Variants in ZYG11A observed in about 807,000 individuals in gnomAD.
The protein encoded by ZYG11A is protein zyg-11 homolog A.
ZYG11A carries 62 observed loss-of-function variants against 77.2 expected under a neutral mutation model. The ratio of observed to expected loss-of-function variants is 0.80; its 90% CI spans 0.65 to 0.99. The LOEUF (loss-of-function observed/expected upper bound fraction) is 0.99. ZYG11A is among the 50% of genes least tolerant of loss of function. The probability of loss-of-function intolerance (pLI) is 0.00; values close to 1 mark genes in which losing one functional copy is unlikely to be tolerated. For synonymous variants in ZYG11A, 315 were observed against 324.6 expected, an observed-to-expected ratio of 0.97 and a Z score of 0.32; for missense variants, 828 against 896.8, an observed-to-expected ratio of 0.92 and a Z score of 0.98.
intron 8 of ZYG11A, among the ~76,000 whole-genome samples, chr1:52,868,854 A>T (rs1336927849): frequency 2.6e-5 from 4 of 152,074 alleles, no homozygotes; most frequent in African/African-American, 9.7e-5. Context: ...ATTTTATTAT[A>T]TGAATTTTTT....
intron 11 of ZYG11A, among the ~76,000 whole-genome samples, chr1:52,882,276 T>G (rs1252670389): frequency 6.6e-6 from 1 of 152,224 alleles, no homozygotes; most frequent in East Asian, 1.9e-4. Flanking sequence ...TTTCCCACTT[T>G]GGGAAACTAA....
chr1:52,845,445 A>G (rs1050467121), intron 1 of ZYG11A, among the ~76,000 whole-genome samples: 6 of 151,554 alleles, frequency 4.0e-5, no homozygotes, highest in South Asian at 2.1e-4. Flanking sequence ...AGCTGGGACT[A>G]CAAGTGTGTG....
At chr1:52,861,822 G>A (rs760593095) in intron 4 of ZYG11A, among the ~76,000 whole-genome samples, 1 of 152,140 alleles carries the variant, frequency 6.6e-6, no homozygotes, top group Non-Finnish European at 1.5e-5. Flanking sequence ...TTGGGAGGCC[G>A]AGATGGGAGG....
chr1:52,851,929 T>TC (rs1189392432), intron 1 of ZYG11A, among the ~76,000 whole-genome samples: 1 of 150,292 alleles, frequency 6.7e-6, no homozygotes, highest in African/African-American at 2.5e-5. Context: ...TTTTTTTTTT[T>TC]TTAATGATGG....
rs775690450 is a variant in ZYG11A, at chr1:52,881,505, A to G, written c.1784A>G (p.Lys595Arg). 32 of 1,551,432 alleles carry G rather than the reference A, an allele frequency of 2.1e-5. No homozygotes were observed. The highest frequency in any genetic ancestry group is 3.9e-5 in the Admixed American group (2 of 50,940). The change falls in exon 11 of 14, where the codon AAG (lysine) becomes AGG (arginine). Residue 595 changes from lysine (K) to arginine (R), a missense_variant. Coordinates refer to ENST00000371528, the MANE Select transcript of ZYG11A (RefSeq NM_001004339.3). ...GCAGAAGTCAGAGAGCTCTCTTCCA[A>G]GCTGGTGACCGAAGATGTGCTGAAG... ...NIAEVRELSSKLVTEDVLKHI... is the reference protein window; with the variant it reads ...NIAEVRELSSRLVTEDVLKHI...
chr1:52,882,431 C>G (rs1333455442), intron 11 of ZYG11A, among the ~76,000 whole-genome samples: 1 of 152,100 alleles, frequency 6.6e-6, no homozygotes, highest in Non-Finnish European at 1.5e-5. Context: ...TTTTGTACAC[C>G]GTATATGGTG....
chr1:52,859,375 G>T (rs184889947), intron 3 of ZYG11A, among the ~76,000 whole-genome samples: 1 of 151,810 alleles, frequency 6.6e-6, no homozygotes, highest in Non-Finnish European at 1.5e-5. Context: ...TTGCTCTGTC[G>T]CCCAGGCTGG....
chr1:52,861,866 A>G (rs1645933720), intron 4 of ZYG11A, among the ~76,000 whole-genome samples: 1 of 152,084 alleles, frequency 6.6e-6, no homozygotes, highest in Non-Finnish European at 1.5e-5. Context: ...GACTAGCCTG[A>G]TCAACATTAG....
At position 52,887,024 on chromosome 1, in the gene ZYG11A, G is replaced by A; in HGVS notation, c.2075G>A (p.Trp692Ter). 3 of 1,545,144 alleles carry A rather than the reference G, an allele frequency of 1.9e-6. No homozygotes were observed. The highest frequency in any genetic ancestry group is 2.6e-6 in the Non-Finnish European group (3 of 1,142,266). Residue 692 changes from tryptophan (W) to a stop codon, truncating the protein, a stop_gained, in exon 13 of 14, where the codon TGG becomes TAG. Coordinates refer to ENST00000371528, the MANE Select transcript of ZYG11A (RefSeq NM_001004339.3). LOFTEE classifies it low-confidence loss of function (END_TRUNC). ...SQPEVQLWAL[W>*]AMYHVCSKNP... ...CCAGAGGTTCAGCTCTGGGCACTATGGGCTATGTATCATGTCTGCAGTAAA... is the reference window on the plus strand; with the variant it reads ...CCAGAGGTTCAGCTCTGGGCACTATAGGCTATGTATCATGTCTGCAGTAAA...
chr1:52,851,837 TC>T (rs1249025120), intron 1 of ZYG11A, among the ~76,000 whole-genome samples: 1 of 151,678 alleles, frequency 6.6e-6, no homozygotes, highest in Non-Finnish European at 1.5e-5. Flanking sequence ...AACCTCCACC[TC>T]CCTCGTTCAA....
At chr1:52,871,383 A>G (rs569534633) in intron 8 of ZYG11A, among the ~76,000 whole-genome samples, 3 of 151,282 alleles carry the variant, frequency 2.0e-5, no homozygotes, top group African/African-American at 7.3e-5. Context: ...GTGTGTTTCT[A>G]CTTGTCTTTG....
intron 10 of ZYG11A, among the ~76,000 whole-genome samples, chr1:52,880,034 G>T (rs930227093): frequency 3.4e-4 from 50 of 146,314 alleles, no homozygotes; most frequent in African/African-American, 1.3e-3. Flanking sequence ...AAAGTGCTGG[G>T]ATTATAGGCA....
intron 5 of ZYG11A, among the ~76,000 whole-genome samples, 188 bp downstream of exon 5, chr1:52,864,345 A>G (rs1645983820): frequency 6.6e-6 from 1 of 151,906 alleles, no homozygotes; most frequent in Admixed American, 6.6e-5. Context: ...TCCCGGGTTC[A>G]AGCAATTCTC....
Position 52,864,114 on chromosome 1 carries a change from G to A in ZYG11A, c.1283G>A (p.Cys428Tyr). 4 of 1,551,934 alleles carry A rather than the reference G, an allele frequency of 2.6e-6. No homozygotes were observed. Among genetic ancestry groups the A allele is most frequent in the South Asian group, 1.2e-5 (1 of 84,056 alleles). The change falls in exon 5 of 14, where the codon TGT becomes TAT. Residue 428 changes from cysteine to tyrosine, a missense_variant. Cys to Tyr is a radical substitution (Grantham distance 194). Transcript: ENST00000371528. ...GTTCGCCTGTTGTCAGAGGTCACCT[G>A]TCTACTTTTCAAGGCTCTGAAAAAT... ...MPVRLLSEVT[C>Y]LLFKALKNFP...
chr1:52,881,801 C>G (rs1021809532), intron 11 of ZYG11A, 136 bp downstream of exon 11: 3 of 621,296 alleles, frequency 4.8e-6, no homozygotes, highest in Admixed American at 3.5e-5. Context: ...CCATATCTTT[C>G]CATCCAAAAC....
intron 13 of ZYG11A, among the ~76,000 whole-genome samples, chr1:52,888,290 G>A (rs1646483010): frequency 1.3e-5 from 2 of 152,194 alleles, no homozygotes; most frequent in South Asian, 4.1e-4. Context: ...ATAGGTAAGA[G>A]ATGGAGGATC....
intron 6 of ZYG11A, among the ~76,000 whole-genome samples, chr1:52,867,330 G>A (rs1646044317): frequency 6.6e-6 from 1 of 152,116 alleles, no homozygotes; most frequent in Non-Finnish European, 1.5e-5. Flanking sequence ...TGTAAATTCT[G>A]TGTATTTTGC....
chr1:52,890,885 G>A (rs1198265549), intron 13 of ZYG11A, among the ~76,000 whole-genome samples: 1 of 151,478 alleles, frequency 6.6e-6, no homozygotes, highest in African/African-American at 2.4e-5. Context: ...CTCTTTAACT[G>A]GGTCTAAATC....
At chr1:52,846,390 T>C (rs1365126742) in intron 1 of ZYG11A, among the ~76,000 whole-genome samples, 1 of 142,810 alleles carries the variant, frequency 7.0e-6, no homozygotes. Flanking sequence ...TCTCACTCTG[T>C]TGCCCAGGCT....
Sources: gnomAD v4.1 joint callset for allele counts (sites outside exome capture counted in the v4.1 genomes callset) on GRCh38, gnomAD v4.1.1 for gene constraint, MANE v1.5 for transcripts, NCBI Gene and HGNC (gene_info 2026-07-23, HGNC 2026-07-21) for gene names.